The following PAK4 variants were observed in gnomAD, a reference collection of about 807,000 sequenced individuals.
PAK4 encodes p21 (RAC1) activated kinase 4.
PAK4 carries 49 observed loss-of-function variants against 53.5 expected under a neutral mutation model. The ratio of observed to expected loss-of-function variants is 0.92; its 90% confidence interval spans 0.73 to 1.16. The LOEUF is 1.16. PAK4 is among the 50% of genes most tolerant of loss of function. The pLI is 0.00. For synonymous variants in PAK4, 376 were observed against 375.6 expected, an observed-to-expected ratio of 1.00 and a Z score of -0.01; for missense variants, 824 against 850.7, an observed-to-expected ratio of 0.97 and a Z score of 0.39.
chr19:39,139,860 T>A (rs993113841), intron 1 of PAK4, among the ~76,000 whole-genome samples: 1 of 152,170 alleles, frequency 6.6e-6, no homozygotes, highest in Non-Finnish European at 1.5e-5. Context: ...GACATGCTTC[T>A]GAGCTGGAGT....
At chr19:39,158,359 G>A (rs1237954280) in intron 1 of PAK4, among the ~76,000 whole-genome samples, 1 of 152,248 alleles carries the variant, frequency 6.6e-6, no homozygotes, top group African/African-American at 2.4e-5. Context: ...GCACGGCCTT[G>A]TGTGTTGCAT....
At position 39,173,585 on chromosome 19, in the gene PAK4, C is replaced by T. The variant is rs755850117; in HGVS notation, c.673C>T (p.His225Tyr). The T allele has an allele frequency of 2.6e-6, 4 of 1,522,772 alleles. No individual in the cohort carries two copies. Among genetic ancestry groups the T allele is most frequent in the Non-Finnish European group, 3.5e-6 (4 of 1,137,044 alleles). 94.3% of individuals were successfully genotyped at this position (1,522,772 alleles called of 1,614,324 possible). The change falls in exon 4 of 9, where the codon CAT (histidine) becomes TAT (tyrosine). Residue 225 changes from histidine (H) to tyrosine (Y), a missense_variant. By Grantham distance (83) the His-to-Tyr change is moderately conservative. Around this residue, in one of 2 missense-constraint regions of PAK4, gnomAD observed 478 missense variants for 435.8 expected, o/e 1.10. Transcript: ENST00000358301. This position sits in a 1 kb window ranked among gnomAD's most constrained non-coding sequence, Gnocchi z 6.9. ...CTCTCTTCTGTTTCAGGGGGAGCCTCATGACGTGGCCCCTAACGGGCCATC... is the reference window on the plus strand; with the variant it reads ...CTCTCTTCTGTTTCAGGGGGAGCCTTATGACGTGGCCCCTAACGGGCCATC...
chr19:39,171,579 TCAGGCAGACAGCCACGGC>T (rs2074480331), intron 2 of PAK4, among the ~76,000 whole-genome samples: 1 of 152,328 alleles, frequency 6.6e-6, no homozygotes, highest in South Asian at 2.1e-4. Flanking sequence ...AGGCCCGGCT[TCAGGCAGACAGCCACGGC>T]CAGGAGAGAC....
intron 1 of PAK4, among the ~76,000 whole-genome samples, chr19:39,138,217 TTTG>T (rs1342570957): frequency 1.3e-5 from 2 of 151,912 alleles, no homozygotes; most frequent in Admixed American, 6.6e-5. Context: ...CAAACTTTTT[TTTG>T]TTGTTGTATT....
chr19:39,181,923 GGTTCCC>G (rs1445738831), downstream of PAK4: 2 of 152,234 alleles, frequency 1.3e-5, no homozygotes, highest in African/African-American at 2.4e-5. Flanking sequence ...CTCACAGTGT[GGTTCCC>G]AGACCAGCAG....
chr19:39,141,868 C>T (rs1191203485), intron 1 of PAK4, among the ~76,000 whole-genome samples: 1 of 152,150 alleles, frequency 6.6e-6, no homozygotes, highest in Non-Finnish European at 1.5e-5. Flanking sequence ...CTCAAGTGAT[C>T]CACCCGCCTC....
chr19:39,152,068 A>G (rs2074101622), intron 1 of PAK4: 1 of 151,318 alleles, frequency 6.6e-6, no homozygotes, highest in African/African-American at 2.4e-5. Context: ...CAGCTCATAC[A>G]TTTTAAATTG....
intron 1 of PAK4, among the ~76,000 whole-genome samples, chr19:39,135,790 C>CCCCCA (rs1157034388): frequency 6.6e-6 from 1 of 151,708 alleles, no homozygotes; most frequent in African/African-American, 2.4e-5. Context: ...CTCCCGGCCC[C>CCCCCA]CATCTTCCCA....
chr19:39,174,037 T>A lies in PAK4; in HGVS notation c.1098+27T>A, dbSNP rs201199875. On this transcript the variant is annotated intron_variant, in intron 4 of 8. Coordinates refer to ENST00000358301, the Ensembl canonical transcript of PAK4. ...TGCGGGCGCTGCTGCCCTGCCGCCC[T>A]GCTGGTCCTCCCACCCCTCCCTCCC... The A allele has an allele frequency of 1.1e-3, 1,572 of 1,466,960 alleles. 7 individuals carry two copies. Among genetic ancestry groups the A allele is most frequent in the Non-Finnish European group, 1.3e-3 (1,415 of 1,090,806 alleles). The allele number at this position is 1,466,960 out of a possible 1,614,324, so 90.9% of individuals were successfully genotyped here.
At chr19:39,140,712 C>G (rs1199338635) in intron 1 of PAK4, among the ~76,000 whole-genome samples, 2 of 152,188 alleles carry the variant, frequency 1.3e-5, no homozygotes, top group Admixed American at 1.3e-4. Flanking sequence ...CTCCCCCTAC[C>G]CCTCTCCAGC....
chr19:39,175,087 C>T lies in PAK4; in HGVS notation c.1232+23C>T, dbSNP rs745644037. 2 of 1,591,758 alleles carry T rather than the reference C, an allele frequency of 1.3e-6. No homozygotes were observed. Among genetic ancestry groups the T allele is most frequent in the Non-Finnish European group, 8.6e-7 (1 of 1,168,556 alleles). ...CAGGTATTTCTGGGGCCTCAGACCC[C>T]TCCTGTGACACGACCAAGTCCCCTC... On this transcript the variant is annotated intron_variant, in intron 5 of 8. Coordinates refer to ENST00000358301, the Ensembl canonical transcript of PAK4. The surrounding 1 kb of genome is among the most constrained non-coding windows in gnomAD (Gnocchi z 4.7).
At chr19:39,169,226 G>T (rs559787716) in intron 1 of PAK4, among the ~76,000 whole-genome samples, 39 of 151,590 alleles carry the variant, frequency 2.6e-4, no homozygotes, top group African/African-American at 8.9e-4. Flanking sequence ...GGGCCAGCCC[G>T]TGCAAAGGCT....
intron 1 of PAK4, among the ~76,000 whole-genome samples, chr19:39,127,518 G>T (rs2073610760): frequency 6.6e-6 from 1 of 152,124 alleles, no homozygotes; most frequent in African/African-American, 2.4e-5. Flanking sequence ...GAATTGCTCT[G>T]TGGGGTTCCT....
At chr19:39,148,517 T>C (rs1262819581) in intron 1 of PAK4, among the ~76,000 whole-genome samples, 1 of 138,352 alleles carries the variant, frequency 7.2e-6, no homozygotes, top group Admixed American at 7.6e-5. Flanking sequence ...TTGCCCAGGC[T>C]GGAGTGGGCT....
chr19:39,173,000 G>A (rs1043867370), exon 3 of PAK4: 53 of 1,549,852 alleles, frequency 3.4e-5, no homozygotes, highest in East Asian at 7.3e-5. Context: ...TCGGTGACAC[G>A]CTCCAACTCC....
At chr19:39,157,802 G>A (rs1377444996) in intron 1 of PAK4, among the ~76,000 whole-genome samples, 1 of 152,154 alleles carries the variant, frequency 6.6e-6, no homozygotes, top group Non-Finnish European at 1.5e-5. Flanking sequence ...TCTTTTTTTG[G>A]CCTAAGATAA....
intron 1 of PAK4, among the ~76,000 whole-genome samples, chr19:39,127,436 C>T (rs2073608559): frequency 6.6e-6 from 1 of 152,212 alleles, no homozygotes; most frequent in South Asian, 2.1e-4. Context: ...GCTCGCCTTG[C>T]TGCAGGCTCT....
chr19:39,163,440 CACTG>C (rs1477578276), intron 1 of PAK4, among the ~76,000 whole-genome samples: 2 of 152,048 alleles, frequency 1.3e-5, no homozygotes, highest in African/African-American at 2.4e-5. Context: ...CGTCTGCTGA[CACTG>C]ACAGCTTTGT....
intron 1 of PAK4, among the ~76,000 whole-genome samples, chr19:39,127,751 G>C (rs938087778): frequency 5.9e-5 from 9 of 152,198 alleles, no homozygotes; most frequent in Admixed American, 3.3e-4. Context: ...TGTGGCTTGC[G>C]AGGGCATCTT....
Sources: gnomAD v4.1 joint callset for allele counts (sites outside exome capture counted in the v4.1 genomes callset) on GRCh38, gnomAD v4.1.1 for gene constraint, gnomAD v4.1.1 regional missense constraint, Gnocchi (gnomAD v3.1) non-coding constraint, MANE v1.5 for transcripts, NCBI Gene and HGNC (gene_info 2026-07-23, HGNC 2026-07-21) for gene names.